The following SHISA6 variants were observed in gnomAD, a reference collection of about 807,000 sequenced individuals.
SHISA6 encodes protein shisa-6.
In SHISA6, 22 loss-of-function variants were observed where a neutral mutation model predicts 47.9. The ratio of observed to expected loss-of-function variants is 0.46; its 90% CI spans 0.33 to 0.66. SHISA6 has a LOEUF of 0.66. Among genes scored for constraint, SHISA6 ranks in the 30% least tolerant of loss-of-function variants. The pLI is 0.02. For missense variants in SHISA6, 680 were observed against 764.6 expected, an observed-to-expected ratio of 0.89 and a Z score of 1.30; for synonymous variants, 388 against 337.8, an observed-to-expected ratio of 1.15 and a Z score of -1.63.
At chr17:11,339,241 T>C (rs560186344) in intron 2 of SHISA6, among the ~76,000 whole-genome samples, 1 of 152,160 alleles carries the variant, frequency 6.6e-6, no homozygotes, top group East Asian at 1.9e-4. Flanking sequence ...TCAACTTGTC[T>C]TTGTTGATAT....
chr17:11,392,109 A>C (rs1441376120), intron 3 of SHISA6, among the ~76,000 whole-genome samples: 1 of 152,212 alleles, frequency 6.6e-6, no homozygotes, highest in Non-Finnish European at 1.5e-5. Flanking sequence ...TAAAGTATTC[A>C]TTCCTTGAAT....
chr17:11,245,750 G>T (rs1442466998), intron 1 of SHISA6, among the ~76,000 whole-genome samples: 38 of 13,176 alleles, frequency 2.9e-3, no homozygotes, highest in African/African-American at 3.0e-3. Flanking sequence ...TGGGCAGGGT[G>T]GGGGGGGTGG....
intron 3 of SHISA6, among the ~76,000 whole-genome samples, chr17:11,470,946 A>C (rs1915920670): frequency 6.6e-6 from 1 of 152,144 alleles, no homozygotes; most frequent in South Asian, 2.1e-4. Flanking sequence ...GTGGTGGTTC[A>C]CATCTGTAAT....
intron 3 of SHISA6, among the ~76,000 whole-genome samples, chr17:11,418,833 G>T (rs888779511): frequency 4.6e-5 from 7 of 152,108 alleles, no homozygotes; most frequent in African/African-American, 1.7e-4. Flanking sequence ...AGTTACTTGG[G>T]TCTTGTATGG....
At chr17:11,549,480 T>C (rs1371573937) in intron 3 of SHISA6, among the ~76,000 whole-genome samples, 1 of 152,240 alleles carries the variant, frequency 6.6e-6, no homozygotes, top group Non-Finnish European at 1.5e-5. Flanking sequence ...CTACATAGTG[T>C]CTGGCAAATG....
At chr17:11,383,818 G>C (rs1913109748) in intron 3 of SHISA6, among the ~76,000 whole-genome samples, 1 of 152,038 alleles carries the variant, frequency 6.6e-6, no homozygotes, top group South Asian at 2.1e-4. Flanking sequence ...ATGCTGATCT[G>C]AATGACCATG....
intron 2 of SHISA6, among the ~76,000 whole-genome samples, chr17:11,303,967 G>A (rs555329476): frequency 6.6e-6 from 1 of 152,328 alleles, no homozygotes; most frequent in Non-Finnish European, 1.5e-5. Context: ...AAAAGCTGCA[G>A]GGCCTGACCG....
intron 1 of SHISA6, among the ~76,000 whole-genome samples, chr17:11,250,280 A>C (rs1208784248): frequency 6.6e-6 from 1 of 152,152 alleles, no homozygotes; most frequent in Non-Finnish European, 1.5e-5. Context: ...CCTTCTTTCT[A>C]TCCCAGGGCT....
chr17:11,311,428 G>GTCA (rs1451947212), intron 2 of SHISA6, among the ~76,000 whole-genome samples: 1 of 152,152 alleles, frequency 6.6e-6, no homozygotes, highest in Non-Finnish European at 1.5e-5. Context: ...AGGTCTTGGA[G>GTCA]TCATGGCTAT....
At chr17:11,405,973 A>G (rs973864534) in intron 3 of SHISA6, among the ~76,000 whole-genome samples, 9 of 152,190 alleles carry the variant, frequency 5.9e-5, no homozygotes. Context: ...GTTTTTCCAG[A>G]CAGCTAGACA....
intron 3 of SHISA6, among the ~76,000 whole-genome samples, chr17:11,508,003 C>CAAAT (rs2071514372): frequency 6.6e-6 from 1 of 152,194 alleles, no homozygotes; most frequent in Non-Finnish European, 1.5e-5. Flanking sequence ...CAGTTGCCTA[C>CAAAT]ATTTCCACGA....
At chr17:11,412,629 C>A (rs1914155597) in intron 3 of SHISA6, among the ~76,000 whole-genome samples, 1 of 151,962 alleles carries the variant, frequency 6.6e-6, no homozygotes, top group African/African-American at 2.4e-5. Flanking sequence ...GCAAGCTCCA[C>A]CTCCCAGGTT....
chr17:11,473,400 A>G (rs997199121), intron 3 of SHISA6, among the ~76,000 whole-genome samples: 4 of 152,158 alleles, frequency 2.6e-5, no homozygotes, highest in Admixed American at 6.5e-5. Flanking sequence ...AGATTTGGCA[A>G]TTCTGACTCG....
At chr17:11,509,900 A>G (rs1161651097) in intron 3 of SHISA6, among the ~76,000 whole-genome samples, 1 of 152,184 alleles carries the variant, frequency 6.6e-6, no homozygotes, top group Non-Finnish European at 1.5e-5. Context: ...GACCACTTGC[A>G]TCTTGGGAAA....
At chr17:11,411,078 C>T (rs898237626) in intron 3 of SHISA6, among the ~76,000 whole-genome samples, 7 of 151,926 alleles carry the variant, frequency 4.6e-5, no homozygotes, top group African/African-American at 1.7e-4. Flanking sequence ...ATGCCATTCT[C>T]CTGCCTCAGC....
chr17:11,500,611 C>T (rs965190779), intron 3 of SHISA6, among the ~76,000 whole-genome samples: 3 of 152,312 alleles, frequency 2.0e-5, no homozygotes, highest in Admixed American at 2.0e-4. Flanking sequence ...GGCCAAGATA[C>T]ATCCATAGAG....
chr17:11,522,429 A>G (rs1237424256), intron 3 of SHISA6, among the ~76,000 whole-genome samples: 1 of 152,040 alleles, frequency 6.6e-6, no homozygotes, highest in Non-Finnish European at 1.5e-5. Context: ...ACGCCTGGGT[A>G]TTTGGTTTTT....
Position 11,379,399 on chromosome 17 carries a change from C to G in SHISA6, c.800-15C>G. Reference sequence around the variant, plus strand: ...TCGTGGATGCGCCAGGTAATTCTGCCCCATCTTCTTGCAGGGCATTATGGG... The same window carrying G: ...TCGTGGATGCGCCAGGTAATTCTGCGCCATCTTCTTGCAGGGCATTATGGG... On this transcript the variant is annotated splice_polypyrimidine_tract_variant and intron_variant, in intron 2 of 5. Transcript: ENST00000441885. The G allele has an allele frequency of 6.5e-7, 1 of 1,529,526 alleles. No homozygotes were observed. The highest frequency in any genetic ancestry group is 1.7e-4 in the Middle Eastern group (1 of 5,946). 94.7% of individuals were successfully genotyped at this position (1,529,526 alleles called of 1,614,324 possible).
intron 2 of SHISA6, among the ~76,000 whole-genome samples, chr17:11,359,301 C>A (rs1912184968): frequency 6.6e-6 from 1 of 152,106 alleles, no homozygotes; most frequent in African/African-American, 2.4e-5. Flanking sequence ...ATAACTAAAC[C>A]ATATTTTCTT....
Sources: allele counts gnomAD v4.1 joint callset (sites outside exome capture counted in the v4.1 genomes callset), GRCh38; gene constraint gnomAD v4.1.1; transcripts MANE v1.5; gene names NCBI Gene and HGNC (gene_info 2026-07-23, HGNC 2026-07-21).